SMG1: variants seen among roughly 807,000 people sequenced by gnomAD.
SMG1 encodes the protein SMG1 nonsense mediated mRNA decay associated PI3K related kinase, also known as serine/threonine-protein kinase SMG1.
In SMG1, 22 loss-of-function variants were observed where a neutral mutation model predicts 419.9. That is an observed-to-expected ratio of 0.05 (90% confidence interval 0.04 to 0.07). The LOEUF (loss-of-function observed/expected upper bound fraction) is 0.07. SMG1 is among the 10% of genes least tolerant of loss of function. SMG1 has a pLI of 1.00. For missense variants in SMG1, 3,185 were observed against 4,342.0 expected, an observed-to-expected ratio of 0.73 and a Z score of 7.49; for synonymous variants, 1,538 against 1,553.5, an observed-to-expected ratio of 0.99 and a Z score of 0.23.
chr16:18,894,263 T>C (rs1455781956), intron 3 of SMG1, among the ~76,000 whole-genome samples: 1 of 151,852 alleles, frequency 6.6e-6, no homozygotes, highest in Non-Finnish European at 1.5e-5. Flanking sequence ...TCTGCACTGG[T>C]ATCCTGAACT....
intron 55 of SMG1, among the ~76,000 whole-genome samples, chr16:18,820,815 T>C (rs1033507028): frequency 6.6e-6 from 1 of 152,232 alleles, no homozygotes; most frequent in African/African-American, 2.4e-5. Flanking sequence ...TTATACTTGA[T>C]TTTATACTGC....
intron 3 of SMG1, 140 bp downstream of exon 3, chr16:18,895,912 T>C: frequency 1.1e-5 from 9 of 842,164 alleles, no homozygotes; most frequent in Non-Finnish European, 1.6e-5. Context: ...TAGTGGGAAA[T>C]GAATGTAAAC....
chr16:18,896,972 A>T lies in SMG1; in HGVS notation c.93-16T>A. 2 of 1,498,594 alleles carry T rather than the reference A, an allele frequency of 1.3e-6. No individual in the cohort carries two copies. 92.8% of individuals were successfully genotyped at this position (1,498,594 alleles called of 1,614,324 possible). A position where few individuals can be genotyped will look rare whatever the true frequency, so the allele number is the denominator to read the frequency against. On this transcript the variant is annotated splice_polypyrimidine_tract_variant and intron_variant, in intron 1 of 62. Coordinates refer to ENST00000446231, the MANE Select transcript of SMG1 (RefSeq NM_015092.5). The stretch of plus-strand genomic sequence containing the variant: ...ACTATCAGTTCTATAAAAAGAGAAA[A>T]GTTTAAGATTAGAACTTTAAATAAC...
At chr16:18,914,634 A>C (rs1427116201) in intron 1 of SMG1, among the ~76,000 whole-genome samples, 2 of 152,094 alleles carry the variant, frequency 1.3e-5, no homozygotes, top group Non-Finnish European at 2.9e-5. Context: ...CAGTGAGCCA[A>C]GATCTCACCA....
At chr16:18,893,987 G>T (rs1176292992) in intron 3 of SMG1, among the ~76,000 whole-genome samples, 1 of 151,862 alleles carries the variant, frequency 6.6e-6, no homozygotes, top group Non-Finnish European at 1.5e-5. Flanking sequence ...AATCTGGGAG[G>T]TGGAGGCTGC....
Position 18,829,735 on chromosome 16 carries a change from G to T in SMG1, c.9154C>A (p.Gln3052Lys). 6.2e-7 allele frequency: 1 copy of T among 1,600,382 alleles called. No individual in the cohort carries two copies. Among genetic ancestry groups the T allele is most frequent in the South Asian group, 1.1e-5 (1 of 90,000 alleles). Residue 3052 changes from glutamine to lysine, a missense_variant, in exon 54 of 63, where the codon CAG becomes AAG. Around this residue, in one of 27 missense-constraint regions of SMG1, gnomAD observed 737 missense variants for 846.6 expected, o/e 0.87. Transcript: ENST00000446231. ...TLSGSSSLED[Q>K]NTVNGPVQIV... is the part of the protein sequence containing the mutation. ...TGTACAGGCCCATTCACAGTATTCT[G>T]ATCTTCAAGTGAACTTGATCCTACA...
intron 54 of SMG1, 75 bp downstream of exon 54, chr16:18,829,211 T>C: frequency 1.6e-6 from 2 of 1,272,630 alleles, no homozygotes; most frequent in South Asian, 1.5e-5. Context: ...TTCTGTGTAT[T>C]GTTTTAAATT....
In SMG1 at chr16:18,809,650, T is replaced by C; in HGVS notation, c.10909-4A>G. On this transcript the variant is annotated splice_region_variant and splice_polypyrimidine_tract_variant and intron_variant, in intron 62 of 62. Transcript: ENST00000446231. Reference sequence around the variant, plus strand: ...CTTCCTTAATGACATAGTCAACCTGTAAAAATAGGCAGGATAGTATGTAAA... The same window carrying C: ...CTTCCTTAATGACATAGTCAACCTGCAAAAATAGGCAGGATAGTATGTAAA... 6.3e-7 allele frequency: 1 copy of C among 1,592,706 alleles called. No individual in the cohort carries two copies. Among genetic ancestry groups the C allele is most frequent in the Non-Finnish European group, 8.6e-7 (1 of 1,166,856 alleles).
chr16:18,898,775 CCTATA>C (rs1170910733), intron 1 of SMG1, among the ~76,000 whole-genome samples: 1 of 152,154 alleles, frequency 6.6e-6, no homozygotes, highest in Non-Finnish European at 1.5e-5. Flanking sequence ...TTACTTATCT[CCTATA>C]CTACCTTTAC....
chr16:18,850,861 C>A (rs1341395350), intron 33 of SMG1, among the ~76,000 whole-genome samples: 1 of 152,160 alleles, frequency 6.6e-6, no homozygotes, highest in Non-Finnish European at 1.5e-5. Flanking sequence ...TCAAGCAATT[C>A]TCATGCCTCA....
At chr16:18,894,870 T>A (rs1596615565) in intron 3 of SMG1, among the ~76,000 whole-genome samples, 1 of 151,950 alleles carries the variant, frequency 6.6e-6, no homozygotes, top group Non-Finnish European at 1.5e-5. Context: ...CAGGCTGGGG[T>A]GCAGTGGCGC....
chr16:18,842,491 C>A (rs761287959), intron 39 of SMG1, 37 bp from the exon 40 acceptor site: 3 of 1,584,816 alleles, frequency 1.9e-6, no homozygotes, highest in Non-Finnish European at 2.6e-6. Context: ...ATTTACATTA[C>A]ATTAGAACAC....
At chr16:18,819,761 A>G in intron 55 of SMG1, 107 bp from the exon 56 acceptor site, 1 of 1,149,224 alleles carries the variant, frequency 8.7e-7, no homozygotes, top group Non-Finnish European at 1.2e-6. Flanking sequence ...CAGGGTGGAC[A>G]CATGTAATTT....
At chr16:18,815,869 T>C (rs1193629225) in intron 58 of SMG1, 2 of 544,284 alleles carry the variant, frequency 3.7e-6, no homozygotes, top group Admixed American at 3.5e-5. Flanking sequence ...TTTGTAATGA[T>C]GAAGTAATAG....
intron 9 of SMG1, among the ~76,000 whole-genome samples, chr16:18,882,775 T>A: frequency 6.6e-6 from 1 of 151,998 alleles, no homozygotes; most frequent in South Asian, 2.1e-4. Flanking sequence ...CAAAGGGAGA[T>A]TACAAGACCT....
intron 60 of SMG1, among the ~76,000 whole-genome samples, chr16:18,814,066 A>T (rs1038350548): frequency 2.7e-5 from 4 of 148,288 alleles, no homozygotes; most frequent in African/African-American, 9.8e-5. Flanking sequence ...ATTAAAAAAA[A>T]ATAAAATAAA....
intron 1 of SMG1, among the ~76,000 whole-genome samples, chr16:18,912,238 A>G (rs888723720): frequency 6.6e-6 from 1 of 151,410 alleles, no homozygotes; most frequent in Non-Finnish European, 1.5e-5. Context: ...ATAGGAGAAT[A>G]GTTTTTGAAA....
At chr16:18,822,372 G>A (rs2032612800) in intron 55 of SMG1, among the ~76,000 whole-genome samples, 1 of 80,412 alleles carries the variant, frequency 1.2e-5, no homozygotes, top group African/African-American at 4.3e-5. Context: ...TTTCTTCTAG[G>A]GTTTTTATGG....
chr16:18,882,871 T>C (rs1218844124), intron 9 of SMG1, among the ~76,000 whole-genome samples: 1 of 152,170 alleles, frequency 6.6e-6, no homozygotes, highest in South Asian at 2.1e-4. Flanking sequence ...AATGTATGCA[T>C]CTACCTAAAA....
Sources: allele counts gnomAD v4.1 joint callset (sites outside exome capture counted in the v4.1 genomes callset), GRCh38; gene constraint gnomAD v4.1.1; regional missense constraint gnomAD v4.1.1; transcripts MANE v1.5; gene names NCBI Gene and HGNC (gene_info 2026-07-23, HGNC 2026-07-21).